ADGRL3: variants seen among roughly 807,000 people sequenced by gnomAD.
The protein encoded by ADGRL3 is adhesion G protein-coupled receptor L3.
Under a neutral mutation model 153.5 loss-of-function variants are expected in ADGRL3, and 62 were observed. That is an observed-to-expected ratio of 0.40 (90% CI 0.33 to 0.50). The LOEUF is 0.50. ADGRL3 is among the 20% of genes least tolerant of loss of function. The pLI, the probability that ADGRL3 is intolerant of heterozygous loss-of-function variation, is 0.47. For missense variants in ADGRL3, 1,641 were observed against 1,859.4 expected (o/e 0.88, Z 2.16); for synonymous variants, 710 against 672.5 (o/e 1.06, Z -0.86).
chr4:61,363,949 T>C (rs571884315), intron 1 of ADGRL3, among the ~76,000 whole-genome samples: 2 of 152,244 alleles, frequency 1.3e-5, no homozygotes, highest in Non-Finnish European at 1.5e-5. Flanking sequence ...ATATATTTTA[T>C]ATGTCATATA....
At position 61,322,537 on chromosome 4, in the gene ADGRL3, T is replaced by C. The variant is rs529831300; in HGVS notation, c.-239-60587T>C. On this transcript the variant is annotated intron_variant, in intron 1 of 26. Coordinates refer to ENST00000683033, the MANE Select transcript of ADGRL3 (RefSeq NM_001387552.1). Reference sequence around the variant, plus strand: ...AGTTACTTCCTAGATGCAATGGGAATACAGGCATTGGATAAATACACCCAT... The same window carrying C: ...AGTTACTTCCTAGATGCAATGGGAACACAGGCATTGGATAAATACACCCAT... 8.3e-4 allele frequency among the ~76,000 whole-genome samples: 126 copies of C among 152,342 alleles called. 1 individual carries two copies. The highest frequency in any genetic ancestry group is 2.9e-3 in the African/African-American group (122 of 41,584).
intron 1 of ADGRL3, among the ~76,000 whole-genome samples, chr4:61,244,529 A>G (rs1756285309): frequency 6.6e-6 from 1 of 152,038 alleles, no homozygotes; most frequent in Admixed American, 6.6e-5. Flanking sequence ...TAATGCTGAT[A>G]AAATTAAACT....
chr4:61,379,174 G>C (rs1458614107), intron 1 of ADGRL3, among the ~76,000 whole-genome samples: 2 of 151,954 alleles, frequency 1.3e-5, no homozygotes, highest in Non-Finnish European at 2.9e-5. Flanking sequence ...CCATAGACTA[G>C]TCGGGTGAGA....
chr4:61,331,755 C>T (rs1019049754), intron 1 of ADGRL3, among the ~76,000 whole-genome samples: 6 of 151,846 alleles, frequency 4.0e-5, no homozygotes, highest in Admixed American at 6.6e-5. Flanking sequence ...TTTAGTCATT[C>T]GTATGTATAA....
At chr4:61,386,351 T>C (rs2096735989) in intron 2 of ADGRL3, among the ~76,000 whole-genome samples, 1 of 152,196 alleles carries the variant, frequency 6.6e-6, no homozygotes, top group Admixed American at 6.5e-5. Flanking sequence ...AAGAAGACTA[T>C]GAAATATGGA....
intron 2 of ADGRL3, among the ~76,000 whole-genome samples, chr4:61,408,070 G>A (rs1288539210): frequency 2.0e-5 from 3 of 152,020 alleles, no homozygotes; most frequent in African/African-American, 7.2e-5. Flanking sequence ...GGAGCCACGC[G>A]AGGGAAGAGG....
chr4:61,251,373 C>T (rs181334233), intron 1 of ADGRL3, among the ~76,000 whole-genome samples: 14 of 152,284 alleles, frequency 9.2e-5, no homozygotes, highest in African/African-American at 1.2e-4. Flanking sequence ...GGAAAGGGAA[C>T]GCTCGGAGAG....
intron 11 of ADGRL3, among the ~76,000 whole-genome samples, chr4:61,903,885 A>G (rs1168615433): frequency 6.6e-6 from 1 of 151,788 alleles, no homozygotes; most frequent in Non-Finnish European, 1.5e-5. Context: ...CAATTCTCCC[A>G]CCTCAACCCC....
intron 1 of ADGRL3, among the ~76,000 whole-genome samples, chr4:61,285,515 C>T (rs996980548): frequency 1.3e-5 from 2 of 151,420 alleles, no homozygotes; most frequent in Non-Finnish European, 3.0e-5. Flanking sequence ...GCAGTGTTGC[C>T]CCACAGAAAT....
Position 62,070,628 on chromosome 4 carries a change from C to T in ADGRL3, c.4352C>T (p.Ser1451Phe), listed in dbSNP as rs1745325752. ...GATCTCCAGTCACCCCATAGAGACT[C>T]TCTCTATACCAGCATGCCGACACTG... ...TEDLQSPHRD[S>F]LYTSMPTLAG... Residue 1451 changes from serine to phenylalanine, a missense_variant, in exon 27 of 27, where the codon TCT becomes TTT. By Grantham distance (155) the Ser-to-Phe change is radical. This residue lies in a region of ADGRL3 where 517 missense variants were observed against 555.0 expected (regional missense o/e 0.93). Transcript: ENST00000683033. 34 of 1,551,712 alleles carry T rather than the reference C, an allele frequency of 2.2e-5. No homozygotes were observed. The highest frequency in any genetic ancestry group is 2.9e-5 in the Non-Finnish European group (33 of 1,146,998).
intron 5 of ADGRL3, among the ~76,000 whole-genome samples, chr4:61,648,390 A>G (rs1560998113): frequency 1.4e-5 from 2 of 143,266 alleles, no homozygotes; most frequent in Non-Finnish European, 1.5e-5. Flanking sequence ...ACAACCCTCA[A>G]TGAGTGATTT....
intron 1 of ADGRL3, among the ~76,000 whole-genome samples, chr4:61,213,478 A>T (rs979280360): frequency 5.3e-5 from 8 of 152,102 alleles, no homozygotes; most frequent in African/African-American, 1.7e-4. Context: ...TGATTATAGT[A>T]CATGCTTACG....
chr4:61,842,624 C>A (rs1027327678), intron 9 of ADGRL3, among the ~76,000 whole-genome samples: 13 of 151,642 alleles, frequency 8.6e-5, no homozygotes, highest in Non-Finnish European at 1.9e-4. Context: ...GGTGTTTTTC[C>A]TTAAAAAAAA....
At chr4:62,063,360 A>AT (rs1741217241) in intron 25 of ADGRL3, 2 of 449,984 alleles carry the variant, frequency 4.4e-6, no homozygotes, top group Non-Finnish European at 7.9e-6. Flanking sequence ...TAAGTGGCAT[A>AT]TTTTTTTAGT....
intron 2 of ADGRL3, chr4:61,385,624 T>C (rs1278614568): frequency 1.3e-5 from 2 of 152,100 alleles, no homozygotes; most frequent in Non-Finnish European, 1.5e-5. Flanking sequence ...ATGTGCACAA[T>C]AGTATCTGCA....
chr4:61,577,833 A>C (rs889879424), intron 4 of ADGRL3, among the ~76,000 whole-genome samples: 1 of 151,340 alleles, frequency 6.6e-6, no homozygotes, highest in African/African-American at 2.4e-5. Flanking sequence ...AGAAAAAAAA[A>C]GGGTAATGAC....
At chr4:61,752,296 G>A (rs2096767009) in intron 8 of ADGRL3, among the ~76,000 whole-genome samples, 1 of 152,044 alleles carries the variant, frequency 6.6e-6, no homozygotes, top group South Asian at 2.1e-4. Flanking sequence ...TTAAACTTCA[G>A]TGCTTTTACA....
chr4:61,337,070 A>G (rs1444973936), intron 1 of ADGRL3, among the ~76,000 whole-genome samples: 2 of 150,006 alleles, frequency 1.3e-5, no homozygotes, highest in East Asian at 4.0e-4. Flanking sequence ...GTTTTTTTGC[A>G]GTTTCCTTGC....
chr4:61,813,281 C>A (rs2097651197), intron 8 of ADGRL3, among the ~76,000 whole-genome samples: 1 of 152,134 alleles, frequency 6.6e-6, no homozygotes, highest in Non-Finnish European at 1.5e-5. Context: ...GTAATCCCAG[C>A]TACTCAGGAG....
Sources: allele counts gnomAD v4.1 joint callset (sites outside exome capture counted in the v4.1 genomes callset), GRCh38; gene constraint gnomAD v4.1.1; regional missense constraint gnomAD v4.1.1; transcripts MANE v1.5; gene names NCBI Gene and HGNC (gene_info 2026-07-23, HGNC 2026-07-21).